Variants in SMIM27 observed in about 807,000 individuals in gnomAD.
SMIM27 encodes the protein TOPORS antisense RNA 1 (non-protein coding).
In SMIM27, 3 loss-of-function variants were observed where a neutral mutation model predicts 1.8. The observed-to-expected ratio is 1.65, with a 90% confidence interval of 0.75 to 4.28. The LOEUF (loss-of-function observed/expected upper bound fraction) is 4.28. Ranked by LOEUF, SMIM27 falls within the 30% of genes most tolerant of loss-of-function variation. The pLI, the probability that SMIM27 is intolerant of heterozygous loss-of-function variation, is 0.02. For synonymous variants in SMIM27, 19 were observed against 13.9 expected, an observed-to-expected ratio of 1.37 and a Z score of -0.82; for missense variants, 63 against 37.0, an observed-to-expected ratio of 1.70 and a Z score of -1.83.
chr9:32,561,348 CAG>C (rs1454813885), intron 1 of SMIM27, among the ~76,000 whole-genome samples: 2 of 150,886 alleles, frequency 1.3e-5, no homozygotes, highest in African/African-American at 4.9e-5. Context: ...TTTTTTGAGA[CAG>C]AGTCTCGTTA....
chr9:32,556,846 CTTTTTTTT>C (rs10703297), downstream of SMIM27, among the ~76,000 whole-genome samples: 1,190 of 82,386 alleles, frequency 0.014, 17 homozygotes, highest in African/African-American at 0.053. Flanking sequence ...AAATCCCCTA[CTTTTTTTT>C]TTTTTTTTTT....
chr9:32,553,803 CA>C (rs1419507990), downstream of SMIM27: 1 of 1,006,074 alleles, frequency 9.9e-7, no homozygotes, highest in Non-Finnish European at 1.5e-6. Flanking sequence ...GTTACTTTTC[CA>C]GAAAATTCAG....
intron 1 of SMIM27, chr9:32,558,996 G>C: frequency 7.0e-7 from 1 of 1,424,602 alleles, no homozygotes; most frequent in Non-Finnish European, 9.7e-7. Flanking sequence ...GGTGTTAAGA[G>C]TTTCTTCTGA....
At chr9:32,566,402 A>T (rs593700) in exon 2 of SMIM27, 550,922 of 954,418 alleles carry the variant, frequency 0.58, 163,415 homozygotes, top group Middle Eastern at 0.68. Flanking sequence ...TTCCAGGTCC[A>T]GAAGAGGAGC....
At chr9:32,552,290 A>C (rs1467529028), upstream of SMIM27, 1 of 1,229,772 alleles carries the variant, frequency 8.1e-7, no homozygotes, top group Non-Finnish European at 1.2e-6. Context: ...GGAAGAGGCC[A>C]GCGACAGCGC....
upstream of SMIM27, chr9:32,551,496 A>G: frequency 3.8e-6 from 1 of 265,596 alleles, no homozygotes; most frequent in Non-Finnish European, 7.6e-6. Flanking sequence ...CAACCTAACA[A>G]AACAGGGCCT....
exon 2 of SMIM27, chr9:32,566,809 G>A (rs1821805828): frequency 2.3e-6 from 2 of 883,016 alleles, no homozygotes; most frequent in Non-Finnish European, 3.7e-6. Flanking sequence ...TCGGCCAGCA[G>A]TCTCTGCCTC....
downstream of SMIM27, among the ~76,000 whole-genome samples, chr9:32,555,064 T>C (rs565797472): frequency 5.3e-4 from 81 of 151,716 alleles, 1 homozygote; most frequent in Middle Eastern, 6.8e-3. Flanking sequence ...GAGAACACTT[T>C]GGTGCACGCT....
chr9:32,563,648 C>G (rs1164428580), intron 1 of SMIM27, among the ~76,000 whole-genome samples: 2 of 152,032 alleles, frequency 1.3e-5, no homozygotes, highest in Non-Finnish European at 2.9e-5. Flanking sequence ...TTTGATGTTC[C>G]TTAGCTGAAT....
chr9:32,552,201 T>A, upstream of SMIM27: 1 of 604,312 alleles, frequency 1.7e-6, no homozygotes, highest in South Asian at 2.0e-5. Context: ...AAGCAATTTT[T>A]AACATTTTCT....
At chr9:32,554,015 T>C (rs905202897), downstream of SMIM27, 18 of 963,016 alleles carry the variant, frequency 1.9e-5, no homozygotes, top group Non-Finnish European at 2.5e-5. Context: ...TTCTGTTCTA[T>C]GTTCATCAGA....
intron 1 of SMIM27, among the ~76,000 whole-genome samples, chr9:32,561,157 A>G (rs1306392047): frequency 6.6e-6 from 1 of 152,174 alleles, no homozygotes; most frequent in Non-Finnish European, 1.5e-5. Flanking sequence ...AGCCCTTTTT[A>G]ATAGTTGTAG....
chr9:32,552,213 G>C (rs769905266), upstream of SMIM27: 6 of 600,782 alleles, frequency 1.0e-5, no homozygotes, highest in South Asian at 8.0e-5. Context: ...ACATTTTCTC[G>C]TTTATTCCCC....
chr9:32,561,330 CT>C (rs58946235), intron 1 of SMIM27, among the ~76,000 whole-genome samples: 228 of 144,670 alleles, frequency 1.6e-3, no homozygotes, highest in Non-Finnish European at 1.5e-3. Flanking sequence ...TCACTATTTT[CT>C]TTTTTTTTTT....
downstream of SMIM27, chr9:32,553,199 CTTT>C (rs539102970): frequency 3.5e-4 from 78 of 225,502 alleles, no homozygotes; most frequent in African/African-American, 1.0e-3. Context: ...ATTCGGAAAG[CTTT>C]TTTTTTTTTT....
upstream of SMIM27, chr9:32,551,453 G>A (rs1236703115): frequency 7.1e-6 from 2 of 281,828 alleles, no homozygotes; most frequent in Non-Finnish European, 1.4e-5. Flanking sequence ...AGTCTTCAGA[G>A]AGGGATCCCC....
At chr9:32,553,635 C>T, downstream of SMIM27, 1 of 460,390 alleles carries the variant, frequency 2.2e-6, no homozygotes, top group Non-Finnish European at 3.9e-6. Flanking sequence ...AAATACTTTT[C>T]CATACCGTTT....
At chr9:32,563,156 G>A (rs1209067768) in intron 1 of SMIM27, among the ~76,000 whole-genome samples, 2 of 152,106 alleles carry the variant, frequency 1.3e-5, no homozygotes, top group African/African-American at 4.8e-5. Context: ...TCTTATTGCA[G>A]CCTATCAAGT....
downstream of SMIM27, among the ~76,000 whole-genome samples, chr9:32,555,271 T>G (rs542723387): frequency 6.6e-6 from 1 of 152,288 alleles, no homozygotes; most frequent in African/African-American, 2.4e-5. Flanking sequence ...AATCAGGACC[T>G]TGTGGTATTG....
Sources: gnomAD v4.1 joint callset for allele counts (sites outside exome capture counted in the v4.1 genomes callset) on GRCh38, gnomAD v4.1.1 for gene constraint, MANE v1.5 for transcripts, NCBI Gene and HGNC (gene_info 2026-07-23, HGNC 2026-07-21) for gene names.